KLHL32: variants seen among roughly 807,000 people sequenced by gnomAD.
The protein encoded by KLHL32 is kelch-like protein 32.
Under a neutral mutation model 64.8 loss-of-function variants are expected in KLHL32, and 35 were observed. That is an observed-to-expected ratio of 0.54 (90% CI 0.41 to 0.72). The LOEUF is 0.72. Ranked by LOEUF, KLHL32 falls within the 30% of genes least tolerant of loss-of-function variation. The pLI, the probability that KLHL32 is intolerant of heterozygous loss-of-function variation, is 0.00. For synonymous variants in KLHL32, 259 were observed against 281.0 expected (o/e 0.92, Z 0.78); for missense variants, 589 against 768.5 (o/e 0.77, Z 2.76).
At chr6:96,948,333 G>A (rs1213375670) in intron 1 of KLHL32, among the ~76,000 whole-genome samples, 2 of 151,924 alleles carry the variant, frequency 1.3e-5, no homozygotes, top group Non-Finnish European at 2.9e-5. Context: ...CCTCTGCTTG[G>A]TAGATCATCA....
intron 6 of KLHL32, among the ~76,000 whole-genome samples, chr6:97,095,681 G>A (rs1794888489): frequency 6.6e-6 from 1 of 152,194 alleles, no homozygotes; most frequent in Admixed American, 6.5e-5. Context: ...AAACCCTCAG[G>A]AGATGATGGA....
intron 3 of KLHL32, among the ~76,000 whole-genome samples, chr6:97,025,675 G>A (rs1477845048): frequency 6.6e-6 from 1 of 152,176 alleles, no homozygotes; most frequent in East Asian, 1.9e-4. Flanking sequence ...TTTCCAACTT[G>A]AGAGGGAGGC....
chr6:96,975,038 T>G (rs1775540005), intron 2 of KLHL32, among the ~76,000 whole-genome samples: 1 of 152,220 alleles, frequency 6.6e-6, no homozygotes, highest in African/African-American at 2.4e-5. Context: ...TAGAGCACTG[T>G]ATAGATTCCC....
At position 97,124,450 on chromosome 6, in the gene KLHL32, A is replaced by G. The variant is rs987107819; in HGVS notation, c.1355-2954A>G. Among the ~76,000 whole-genome samples, 5 of 152,230 alleles carry G rather than the reference A, an allele frequency of 3.3e-5. No individual in the cohort carries two copies. In the South Asian group the frequency reaches 1.0e-3, roughly 31 times the overall value. ...GATGCATTTGTGGAAGACAGTAAAT[A>G]ATAATTCTGAAAAGCATAGAGATAA... On this transcript the variant is annotated intron_variant, in intron 7 of 10. Coordinates refer to ENST00000369261, the MANE Select transcript of KLHL32 (RefSeq NM_052904.4).
At position 96,975,217 on chromosome 6, in the gene KLHL32, G is replaced by A. The variant is rs538032369; in HGVS notation, c.24-780G>A. Among the ~76,000 whole-genome samples, 124 of 152,306 alleles carry A rather than the reference G, an allele frequency of 8.1e-4. 3 individuals are homozygous for A. In the South Asian group the frequency reaches 0.025, roughly 31 times the overall value. The stretch of plus-strand genomic sequence containing the variant: ...GTTGGGGTAGAGAGTGAAGGGGTAA[G>A]TTTCACAATGTGTGAGGTTAGCAAT... On this transcript the variant is annotated intron_variant, in intron 2 of 10. Transcript: ENST00000369261.
chr6:97,119,801 C>T (rs917260516), intron 7 of KLHL32, among the ~76,000 whole-genome samples: 3 of 152,050 alleles, frequency 2.0e-5, no homozygotes, highest in African/African-American at 7.2e-5. Flanking sequence ...TATTTTAGTT[C>T]ATGTAACAGC....
intron 5 of KLHL32, among the ~76,000 whole-genome samples, chr6:97,066,417 T>C (rs1444368711): frequency 6.6e-6 from 1 of 152,220 alleles, no homozygotes; most frequent in Non-Finnish European, 1.5e-5. Context: ...TCTGTTGAGA[T>C]ACTAAGTGAC....
At chr6:96,973,710 T>C (rs1775357934) in intron 2 of KLHL32, among the ~76,000 whole-genome samples, 1 of 150,220 alleles carries the variant, frequency 6.7e-6, no homozygotes, top group Non-Finnish European at 1.5e-5. Flanking sequence ...GCATAGATTT[T>C]TGAGATCTTT....
intron 3 of KLHL32, among the ~76,000 whole-genome samples, chr6:97,002,141 T>C (rs1779112149): frequency 6.6e-6 from 1 of 152,204 alleles, no homozygotes; most frequent in Admixed American, 6.5e-5. Flanking sequence ...TTGGTGTAAG[T>C]TCCAGTCTGA....
At chr6:96,961,336 T>A (rs949585717) in intron 1 of KLHL32, among the ~76,000 whole-genome samples, 1 of 152,202 alleles carries the variant, frequency 6.6e-6, no homozygotes, top group Admixed American at 6.5e-5. Context: ...GTCTCTTATA[T>A]GTTGGTAGGA....
chr6:96,974,069 T>C (rs780207316), intron 2 of KLHL32, among the ~76,000 whole-genome samples: 1 of 152,048 alleles, frequency 6.6e-6, no homozygotes, highest in African/African-American at 2.4e-5. Context: ...TACATTGTTA[T>C]ATTCTTGGTG....
chr6:97,056,019 C>T (rs990096388), intron 4 of KLHL32, among the ~76,000 whole-genome samples: 1 of 151,628 alleles, frequency 6.6e-6, no homozygotes, highest in African/African-American at 2.4e-5. Context: ...ACAAATATTG[C>T]CAAATCTAAT....
chr6:96,904,206 A>C, the KLHL32 span, among the ~76,000 whole-genome samples: 277 of 152,044 alleles, frequency 1.8e-3, no homozygotes, highest in Admixed American at 3.1e-3. Flanking sequence ...TCCAGGCATG[A>C]TGGTGCACAT....
At chr6:97,013,025 A>G (rs1304144497) in intron 3 of KLHL32, among the ~76,000 whole-genome samples, 2 of 152,156 alleles carry the variant, frequency 1.3e-5, no homozygotes, top group Non-Finnish European at 2.9e-5. Context: ...TTGGTCAGTG[A>G]GTTTTGTAAT....
rs1793243054 is a variant in KLHL32 at position 97,085,340 on chromosome 6, A to G, written c.626A>G (p.Gln209Arg). The G allele has an allele frequency of 6.2e-7, 1 of 1,612,176 alleles. No homozygotes were observed. ...LTSLSEEQIW[Q>R]LAVRWLEHNC... ...TCCCTGAGTGAAGAGCAGATCTGGC[A>G]GGTAAGGGCGCTGTGCACGGTCGCT... Residue 209 changes from glutamine to arginine, a missense_variant and splice_region_variant, in exon 6 of 11, where the codon CAG (glutamine) becomes CGG (arginine). Physicochemically the swap from Gln to Arg is conservative, Grantham distance 43 (BLOSUM62 1). Transcript: ENST00000369261.
Position 97,084,094 on chromosome 6 carries a change from C to A in KLHL32, c.412-1032C>A, listed in dbSNP as rs117532663. 7.5e-3 allele frequency among the ~76,000 whole-genome samples: 1,140 copies of A among 152,234 alleles called. 7 individuals carry two copies. Among genetic ancestry groups the A allele is most frequent in the Admixed American group, 0.015 (225 of 15,298 alleles). On this transcript the variant is annotated intron_variant, in intron 5 of 10. Coordinates refer to ENST00000369261, the MANE Select transcript of KLHL32 (RefSeq NM_052904.4). ...GCACCTCAGTAAGGAGTTCTTGATACTCTCAGGTAACCAGAAAGGGGAAAA... is the reference window on the plus strand; with the variant it reads ...GCACCTCAGTAAGGAGTTCTTGATAATCTCAGGTAACCAGAAAGGGGAAAA...
At chr6:96,989,620 C>T (rs937874148) in intron 3 of KLHL32, among the ~76,000 whole-genome samples, 4 of 152,166 alleles carry the variant, frequency 2.6e-5, no homozygotes, top group Non-Finnish European at 5.9e-5. Flanking sequence ...AAATTCTCTA[C>T]ATCTCCTGAA....
chr6:96,902,183 A>C, the KLHL32 span, among the ~76,000 whole-genome samples: 2 of 152,210 alleles, frequency 1.3e-5, no homozygotes, highest in Non-Finnish European at 2.9e-5. Flanking sequence ...ACAATGGTTG[A>C]ACTAATTTAC....
At chr6:97,108,616 T>G (rs2128205646) in intron 6 of KLHL32, among the ~76,000 whole-genome samples, 1 of 152,384 alleles carries the variant, frequency 6.6e-6, no homozygotes, top group Admixed American at 6.5e-5. Flanking sequence ...AAACAAGAGT[T>G]ATCTGTGATT....
Sources: allele counts gnomAD v4.1 joint callset (sites outside exome capture counted in the v4.1 genomes callset), GRCh38; gene constraint gnomAD v4.1.1; transcripts MANE v1.5; gene names NCBI Gene and HGNC (gene_info 2026-07-23, HGNC 2026-07-21).